MCF2L2: variants seen among roughly 807,000 people sequenced by gnomAD.
MCF2L2 encodes the protein probable guanine nucleotide exchange factor MCF2L2.
Under a neutral mutation model 150.2 loss-of-function variants are expected in MCF2L2, and 102 were observed. That is an observed-to-expected ratio of 0.68 (90% CI 0.58 to 0.80). MCF2L2 has a LOEUF of 0.80. MCF2L2 is among the 30% of genes least tolerant of loss of function. The pLI, the probability that MCF2L2 is intolerant of heterozygous loss-of-function variation, is 0.00. For synonymous variants in MCF2L2, 465 were observed against 491.3 expected (o/e 0.95, Z 0.71); for missense variants, 1,256 against 1,372.8 (o/e 0.91, Z 1.34).
chr3:183,321,839 C>T (rs1174694418), intron 6 of MCF2L2, among the ~76,000 whole-genome samples: 1 of 152,240 alleles, frequency 6.6e-6, no homozygotes, highest in East Asian at 1.9e-4. Context: ...ATAACAAAAA[C>T]ACCTTAGGCT....
intron 3 of MCF2L2, among the ~76,000 whole-genome samples, chr3:183,356,268 A>G (rs1711774662): frequency 6.6e-6 from 1 of 151,840 alleles, no homozygotes; most frequent in African/African-American, 2.4e-5. Context: ...TAATCCCAGC[A>G]CTTTGGGAGG....
intron 7 of MCF2L2, among the ~76,000 whole-genome samples, chr3:183,315,529 A>G (rs1341714567): frequency 6.6e-6 from 1 of 152,214 alleles, no homozygotes; most frequent in Admixed American, 6.5e-5. Context: ...AATGTAATAG[A>G]GTATAAATGT....
intron 3 of MCF2L2, among the ~76,000 whole-genome samples, chr3:183,360,867 G>C (rs373706747): frequency 4.2e-4 from 63 of 151,586 alleles, no homozygotes; most frequent in African/African-American, 1.5e-3. Flanking sequence ...TACTCATGAG[G>C]CTGAGGCAGG....
intron 5 of MCF2L2, among the ~76,000 whole-genome samples, chr3:183,328,486 T>C (rs952005562): frequency 3.3e-5 from 5 of 151,570 alleles, no homozygotes; most frequent in African/African-American, 9.7e-5. Flanking sequence ...GAGCCCCTGA[T>C]TGGTGTCTAG....
intron 3 of MCF2L2, among the ~76,000 whole-genome samples, chr3:183,348,144 A>T (rs1730971705): frequency 6.6e-6 from 1 of 152,296 alleles, no homozygotes. Flanking sequence ...AAGACCTAGA[A>T]CCAACCCAAA....
chr3:183,212,948 T>G (rs1262989623), intron 22 of MCF2L2, among the ~76,000 whole-genome samples: 3 of 1,896 alleles, frequency 1.6e-3, no homozygotes, highest in Admixed American at 5.2e-3. Context: ...ATAGGTATTG[T>G]GGGGGGGTGG....
chr3:183,219,771 A>C (rs1404896641), intron 21 of MCF2L2, 85 bp downstream of exon 21: 13 of 878,710 alleles, frequency 1.5e-5, no homozygotes, highest in Non-Finnish European at 2.2e-5. Context: ...AAGACCACCA[A>C]GTAAAATTGC....
intron 15 of MCF2L2, chr3:183,272,841 T>C: frequency 8.0e-7 from 1 of 1,242,720 alleles, no homozygotes; most frequent in Non-Finnish European, 1.0e-6. Flanking sequence ...AAAACATAAG[T>C]GTCTCTGGCC....
At chr3:183,243,912 G>A (rs187301805) in intron 15 of MCF2L2, among the ~76,000 whole-genome samples, 11 of 152,148 alleles carry the variant, frequency 7.2e-5, no homozygotes, top group African/African-American at 2.2e-4. Flanking sequence ...CAAGGCAGGC[G>A]GATCACGAGG....
intron 3 of MCF2L2, chr3:183,376,955 A>C (rs1713221039): frequency 6.6e-6 from 1 of 152,236 alleles, no homozygotes; most frequent in South Asian, 2.1e-4. Context: ...AACAGCACAA[A>C]GGTCAAAGTG....
rs958347892 is a variant in MCF2L2 at position 183,391,569 on chromosome 3, C to T, written c.77-1790G>A. ...TGATATGAAGTCTGAGATTTGCTGACAAATACTCCAGCACTCCCCTTCACT... is the reference window on the plus strand; with the variant it reads ...TGATATGAAGTCTGAGATTTGCTGATAAATACTCCAGCACTCCCCTTCACT... On this transcript the variant is annotated intron_variant, in intron 1 of 29. Transcript: ENST00000328913. Among the ~76,000 whole-genome samples the T allele has an allele frequency of 3.9e-5, 6 of 152,254 alleles. 1 individual carries two copies. In the South Asian group the frequency reaches 1.2e-3, roughly 32 times the overall value.
At chr3:183,413,349 T>G (rs1417971182) in intron 1 of MCF2L2, among the ~76,000 whole-genome samples, 2 of 152,190 alleles carry the variant, frequency 1.3e-5, no homozygotes, top group African/African-American at 4.8e-5. Flanking sequence ...ATAATAAAAC[T>G]AGGGAAAAGA....
At chr3:183,258,734 CTTTT>C (rs75257179) in intron 15 of MCF2L2, among the ~76,000 whole-genome samples, 1 of 151,286 alleles carries the variant, frequency 6.6e-6, no homozygotes, top group African/African-American at 2.4e-5. Context: ...CCCATGTACT[CTTTT>C]TTTTTATTTT....
chr3:183,232,536 C>A (rs1723606982), intron 15 of MCF2L2, among the ~76,000 whole-genome samples: 1 of 152,176 alleles, frequency 6.6e-6, no homozygotes, highest in Non-Finnish European at 1.5e-5. Context: ...AGTGTTTATA[C>A]ATGTGTCCTT....
chr3:183,336,657 G>A (rs1020131740), intron 5 of MCF2L2, among the ~76,000 whole-genome samples: 1 of 151,378 alleles, frequency 6.6e-6, no homozygotes, highest in Non-Finnish European at 1.5e-5. Context: ...AGACCAGCCT[G>A]GCCAACATGG....
intron 15 of MCF2L2, chr3:183,272,939 T>C: frequency 1.4e-6 from 2 of 1,407,482 alleles, no homozygotes; most frequent in East Asian, 2.9e-5. Context: ...CCTTTTAATT[T>C]TTGCTTAGAA....
chr3:183,201,140 A>C (rs1458905752), intron 25 of MCF2L2, among the ~76,000 whole-genome samples: 1 of 152,178 alleles, frequency 6.6e-6, no homozygotes, highest in Non-Finnish European at 1.5e-5. Context: ...ACTTTAAAGT[A>C]GTTTTTTTCC....
intron 15 of MCF2L2, among the ~76,000 whole-genome samples, chr3:183,244,576 C>T (rs770732625): frequency 4.6e-5 from 7 of 152,060 alleles, no homozygotes; most frequent in Admixed American, 2.6e-4. Context: ...TTAAGCCAAT[C>T]GTCTAGTAGG....
chr3:183,199,296 C>T (rs933042326), intron 25 of MCF2L2, among the ~76,000 whole-genome samples: 3 of 152,136 alleles, frequency 2.0e-5, no homozygotes, highest in Admixed American at 2.0e-4. Flanking sequence ...AAATGCAAAC[C>T]ACTGCCAGTA....
Sources: gnomAD v4.1 joint callset for allele counts (sites outside exome capture counted in the v4.1 genomes callset) on GRCh38, gnomAD v4.1.1 for gene constraint, MANE v1.5 for transcripts, NCBI Gene and HGNC (gene_info 2026-07-23, HGNC 2026-07-21) for gene names.